ARHGAP39: variants seen among roughly 807,000 people sequenced by gnomAD.
The protein encoded by ARHGAP39 is Rho GTPase activating protein 39.
Under a neutral mutation model 106.9 loss-of-function variants are expected in ARHGAP39, and 44 were observed. That is an observed-to-expected ratio of 0.41 (90% CI 0.32 to 0.53). The LOEUF (loss-of-function observed/expected upper bound fraction) is 0.53, where lower values mean the gene tolerates loss of function less well. ARHGAP39 is among the 20% of genes least tolerant of loss of function. The pLI is 0.21. For missense variants in ARHGAP39, 1,496 were observed against 1,577.3 expected (o/e 0.95, Z 0.87); for synonymous variants, 768 against 693.2 (o/e 1.11, Z -1.69).
upstream of ARHGAP39, among the ~76,000 whole-genome samples, chr8:144,689,480 A>C (rs1253353192): frequency 8.7e-6 from 1 of 114,448 alleles, no homozygotes; most frequent in Non-Finnish European, 1.6e-5. Context: ...TCTGCCGCCC[A>C]GGCTGGAGTG....
intron 1 of ARHGAP39, among the ~76,000 whole-genome samples, chr8:144,620,947 C>T (rs897784568): frequency 6.6e-6 from 1 of 152,262 alleles, no homozygotes; most frequent in Non-Finnish European, 1.5e-5. Context: ...AACTGGAAAA[C>T]GCCAGGCACA....
At chr8:144,685,028 A>G (rs1822542200) in intron 1 of ARHGAP39, among the ~76,000 whole-genome samples, 1 of 152,040 alleles carries the variant, frequency 6.6e-6, no homozygotes, top group Non-Finnish European at 1.5e-5. Flanking sequence ...GGCGCCCGGG[A>G]ATGCGGCCGG....
At chr8:144,689,165 G>T (rs1269668472), upstream of ARHGAP39, among the ~76,000 whole-genome samples, 1 of 152,104 alleles carries the variant, frequency 6.6e-6, no homozygotes, top group African/African-American at 2.4e-5. Flanking sequence ...TTACACATCC[G>T]TGTTCCTCTC....
chr8:144,596,592 G>A (rs1420107785), intron 2 of ARHGAP39, among the ~76,000 whole-genome samples: 3 of 152,208 alleles, frequency 2.0e-5, no homozygotes, highest in African/African-American at 4.8e-5. Context: ...GGGGTGCTGC[G>A]CGGGGGCAGA....
intron 4 of ARHGAP39, among the ~76,000 whole-genome samples, chr8:144,551,948 T>G (rs1304920726): frequency 2.6e-5 from 4 of 152,126 alleles, no homozygotes; most frequent in Non-Finnish European, 4.4e-5. Flanking sequence ...CCCAGGCCTC[T>G]CTCCTCACCC....
At chr8:144,697,127 C>T in the ARHGAP39 span, among the ~76,000 whole-genome samples, 1 of 152,024 alleles carries the variant, frequency 6.6e-6, no homozygotes, top group African/African-American at 2.4e-5. Flanking sequence ...GAGTTTGAGA[C>T]CTGCCTGACC....
chr8:144,619,810 G>A (rs1375640620), intron 1 of ARHGAP39, among the ~76,000 whole-genome samples: 4 of 150,676 alleles, frequency 2.7e-5, no homozygotes, highest in South Asian at 2.1e-4. Context: ...CCGTGTGTGT[G>A]AGCTTGTGTC....
At chr8:144,589,087 G>A (rs1004340104) in intron 2 of ARHGAP39, among the ~76,000 whole-genome samples, 19 of 152,142 alleles carry the variant, frequency 1.2e-4, no homozygotes, top group Admixed American at 1.3e-4. Context: ...TCCCGGCAGG[G>A]GCTCATCAAC....
At chr8:144,614,842 C>G (rs528446818) in intron 1 of ARHGAP39, among the ~76,000 whole-genome samples, 1 of 152,176 alleles carries the variant, frequency 6.6e-6, no homozygotes, top group African/African-American at 2.4e-5. Context: ...AACAGGCACT[C>G]TTCTTAGTGT....
At chr8:144,601,607 T>C (rs1488391738) in intron 2 of ARHGAP39, among the ~76,000 whole-genome samples, 35 of 140,276 alleles carry the variant, frequency 2.5e-4, no homozygotes, top group African/African-American at 9.2e-4. Flanking sequence ...CGAGCTCATG[T>C]ATCTGTGTGT....
chr8:144,567,240 C>T (rs1345401569), intron 3 of ARHGAP39, among the ~76,000 whole-genome samples: 1 of 152,006 alleles, frequency 6.6e-6, no homozygotes, highest in Non-Finnish European at 1.5e-5. Flanking sequence ...TATAATAATC[C>T]TTGCTCTACA....
chr8:144,610,842 A>C (rs10108836), intron 1 of ARHGAP39, among the ~76,000 whole-genome samples: 57,394 of 151,936 alleles, frequency 0.38, 12,568 homozygotes, highest in Admixed American at 0.48. Flanking sequence ...TTTGAGATGG[A>C]GTCTCACTCT....
At chr8:144,664,659 G>A (rs146303141) in intron 1 of ARHGAP39, among the ~76,000 whole-genome samples, 47 of 152,242 alleles carry the variant, frequency 3.1e-4, no homozygotes, top group African/African-American at 9.4e-4. Flanking sequence ...TGTTATTCTC[G>A]CGATAGTGAA....
intron 1 of ARHGAP39, among the ~76,000 whole-genome samples, chr8:144,614,419 C>G (rs1379729568): frequency 1.3e-5 from 2 of 151,430 alleles, no homozygotes; most frequent in Non-Finnish European, 2.9e-5. Flanking sequence ...ACGGCACAAT[C>G]CCGGTTCACT....
chr8:144,583,039 C>CTCCACCG (rs371002725), intron 2 of ARHGAP39, among the ~76,000 whole-genome samples: 2 of 152,190 alleles, frequency 1.3e-5, no homozygotes, highest in Admixed American at 6.5e-5. Flanking sequence ...TACACACCCA[C>CTCCACCG]TCCACCGTCC....
At position 144,567,549 on chromosome 8, in the gene ARHGAP39, C is replaced by T. The variant is rs552137506; in HGVS notation, c.513-11906G>A. ...CTACTCCTCCACCTCTTGTGGAGGGCCTGACATCAGTCAGGCTCGCCTGCA... is the reference window on the plus strand; with the variant it reads ...CTACTCCTCCACCTCTTGTGGAGGGTCTGACATCAGTCAGGCTCGCCTGCA... On this transcript the variant is annotated intron_variant, in intron 3 of 11. Transcript: ENST00000377307. Among the ~76,000 whole-genome samples, 3 of 152,268 alleles carry T rather than the reference C, an allele frequency of 2.0e-5. No homozygotes were observed. In the South Asian group the frequency reaches 6.2e-4, roughly 32 times the overall value.
At chr8:144,555,677 T>G in intron 3 of ARHGAP39, 34 bp from the exon 4 acceptor site, 2 of 1,559,520 alleles carry the variant, frequency 1.3e-6, no homozygotes, top group Non-Finnish European at 1.8e-6. Context: ...AATATGAATA[T>G]AAGTGCAATC....
chr8:144,581,345 G>T, intron 2 of ARHGAP39, 68 bp from the exon 3 acceptor site: 1 of 1,446,776 alleles, frequency 6.9e-7, no homozygotes, highest in Non-Finnish European at 9.3e-7. Flanking sequence ...CACCCCTGCA[G>T]ACCCCGGCTC....
intron 1 of ARHGAP39, among the ~76,000 whole-genome samples, chr8:144,654,473 C>G (rs1821647813): frequency 1.3e-5 from 2 of 152,192 alleles, no homozygotes; most frequent in African/African-American, 4.8e-5. Flanking sequence ...TACTGCATTC[C>G]AGCCTGGATG....
Sources: allele counts gnomAD v4.1 joint callset (sites outside exome capture counted in the v4.1 genomes callset), GRCh38; gene constraint gnomAD v4.1.1; transcripts MANE v1.5; gene names NCBI Gene and HGNC (gene_info 2026-07-23, HGNC 2026-07-21).